MAN2B1: variants seen among roughly 807,000 people sequenced by gnomAD.
The protein encoded by MAN2B1 is mannosidase alpha class 2B member 1, also known as lysosomal alpha-mannosidase.
Under a neutral mutation model 127.5 loss-of-function variants are expected in MAN2B1, and 99 were observed. The observed-to-expected ratio is 0.78, with a 90% CI of 0.66 to 0.92. The LOEUF is 0.92. MAN2B1 is among the 40% of genes least tolerant of loss of function. The pLI is 0.00. For synonymous variants in MAN2B1, 573 were observed against 568.8 expected (o/e 1.01, Z -0.11); for missense variants, 1,304 against 1,384.8 (o/e 0.94, Z 0.93).
chr19:12,649,312 T>G (rs1395967546), intron 19 of MAN2B1, 29 bp downstream of exon 19: 1 of 1,604,928 alleles, frequency 6.2e-7, no homozygotes. Context: ...TCTATCGAGG[T>G]GGGGAGGTGC....
chr19:12,659,944 C>T (rs1273939856), intron 7 of MAN2B1, among the ~76,000 whole-genome samples: 2 of 151,940 alleles, frequency 1.3e-5, no homozygotes, highest in Non-Finnish European at 2.9e-5. Context: ...GAGATTGCAC[C>T]GTAGTGAGGA....
In MAN2B1 at chr19:12,666,665, G is replaced by A. The variant is rs772572370; in HGVS notation, c.37C>T (p.Arg13Cys). ...AYARASGVCARGCLDSAGPWT... is the reference protein window; with the variant it reads ...AYARASGVCACGCLDSAGPWT... ...GGGCCTGCTGAGTCCAGGCAGCCGC[G>A]AGCGCAGACCCCCGAAGCCCGCGCG... The change falls in exon 1 of 24, where the codon CGC becomes TGC. Residue 13 changes from arginine (R) to cysteine (C), a missense_variant. Transcript: ENST00000456935. 3.9e-6 allele frequency: 6 copies of A among 1,552,292 alleles called. No individual in the cohort carries two copies. Among genetic ancestry groups the A allele is most frequent in the Middle Eastern group, 1.8e-4 (1 of 5,650 alleles).
At position 12,647,702 on chromosome 19, in the gene MAN2B1, G is replaced by C; in HGVS notation, c.2665-104C>G. On this transcript the variant is annotated intron_variant, in intron 21 of 23. Coordinates refer to ENST00000456935, the MANE Select transcript of MAN2B1 (RefSeq NM_000528.4). The surrounding 1 kb of genome is among the most constrained non-coding windows in gnomAD (Gnocchi z 4.9). ...GGCAGGGCTAGGTTGTAGGGGCGGGGTTTCGCCGGAGAGGGGCAAGGCTCA... is the reference window on the plus strand; with the variant it reads ...GGCAGGGCTAGGTTGTAGGGGCGGGCTTTCGCCGGAGAGGGGCAAGGCTCA... 1.1e-6 allele frequency: 1 copy of C among 937,958 alleles called. No individual in the cohort carries two copies. Among genetic ancestry groups the C allele is most frequent in the East Asian group, 2.6e-5 (1 of 38,368 alleles). The allele number at this position is 937,958 out of a possible 1,614,324, so 58.1% of individuals were successfully genotyped here. A position where few individuals can be genotyped will look rare whatever the true frequency, so the allele number is the denominator to read the frequency against.
rs149680228 is a variant in MAN2B1 at position 12,652,840 on chromosome 19, A to T, written c.1831-380T>A. Among the ~76,000 whole-genome samples the T allele has an allele frequency of 1.6e-4, 23 of 148,144 alleles. No individual in the cohort carries two copies. The East Asian group carries it at 3.0e-3, about 20-fold the overall frequency. On this transcript the variant is annotated intron_variant, in intron 14 of 23. Transcript: ENST00000456935. Reference sequence around the variant, plus strand: ...AGCCACTGTGCCCAGCCGGATTTTTATTTTTTTTTTTTGAGACAGAAACTT... The same window carrying T: ...AGCCACTGTGCCCAGCCGGATTTTTTTTTTTTTTTTTTGAGACAGAAACTT...
Position 12,657,031 on chromosome 19 carries a change from C to A in MAN2B1, c.1445G>T (p.Arg482Leu), listed in dbSNP as rs1473382507. 1.9e-6 allele frequency: 3 copies of A among 1,612,038 alleles called. No homozygotes were observed. The highest frequency in any genetic ancestry group is 2.5e-6 in the Non-Finnish European group (3 of 1,179,540). ...GAAGTGATCTTTGAAGCCTCTGAGCCGCGCCAGCGCGTTGCTCAGAAGAAC... is the reference window on the plus strand; with the variant it reads ...GAAGTGATCTTTGAAGCCTCTGAGCAGCGCCAGCGCGTTGCTCAGAAGAAC... ...CEVLLSNALA[R>L]LRGFKDHFTF... The change falls in exon 12 of 24, where the codon CGG (arginine) becomes CTG (leucine). Residue 482 changes from arginine to leucine, a missense_variant. Arg to Leu is a moderately radical substitution (Grantham distance 102). Coordinates refer to ENST00000456935, the MANE Select transcript of MAN2B1 (RefSeq NM_000528.4).
At position 12,657,030 on chromosome 19, in the gene MAN2B1, CCG is replaced by C; in HGVS notation, c.1444_1445del (p.Arg482AlafsTer34). 1 of 1,612,550 alleles carries C rather than the reference CCG, an allele frequency of 6.2e-7. No homozygotes were observed. The highest frequency in any genetic ancestry group is 8.5e-7 in the Non-Finnish European group (1 of 1,179,686). ...CEVLLSNALARLRGFKDHFTF... is the reference protein window; with the variant it reads ...CEVLLSNALAXLRGFKDHFTF... The stretch of plus-strand genomic sequence containing the variant: ...TGAAGTGATCTTTGAAGCCTCTGAG[CCG>C]CGCCAGCGCGTTGCTCAGAAGAACC... On this transcript the variant is annotated frameshift_variant, in exon 12 of 24. Coordinates refer to ENST00000456935, the MANE Select transcript of MAN2B1 (RefSeq NM_000528.4). LOFTEE classifies it high-confidence loss of function.
In MAN2B1 at chr19:12,665,532, A is replaced by G. The variant is rs756239857; in HGVS notation, c.263-7T>C. 1.5e-5 allele frequency: 24 copies of G among 1,614,024 alleles called. No individual in the cohort carries two copies. The South Asian group carries it at 2.6e-4, about 18-fold the overall frequency. ...TGCTGGATGTCATTCTTGACTGTGG[A>G]TAACAGGGATAAGGCTCTCAGGGAA... On this transcript the variant is annotated splice_region_variant and splice_polypyrimidine_tract_variant and intron_variant, in intron 2 of 23. Coordinates refer to ENST00000456935, the MANE Select transcript of MAN2B1 (RefSeq NM_000528.4).
intron 7 of MAN2B1, 44 bp from the exon 8 acceptor site, chr19:12,658,554 T>A (rs772510107): frequency 6.4e-7 from 1 of 1,558,822 alleles, no homozygotes; most frequent in Non-Finnish European, 8.8e-7. Context: ...AGTCCGCACC[T>A]TCCTGGGGGC....
chr19:12,662,522 C>A (rs1172597180), intron 6 of MAN2B1, among the ~76,000 whole-genome samples: 1 of 151,884 alleles, frequency 6.6e-6, no homozygotes, highest in Non-Finnish European at 1.5e-5. Flanking sequence ...CCCAGCTACT[C>A]GGGAGGCTGA....
At chr19:12,652,521 T>A in intron 14 of MAN2B1, 61 bp from the exon 15 acceptor site, 6 of 1,216,770 alleles carry the variant, frequency 4.9e-6, no homozygotes, top group South Asian at 1.3e-5. Flanking sequence ...TTTCTTTTTT[T>A]AATTTTTCTT....
In MAN2B1 at chr19:12,665,709, A is replaced by G. The variant is rs1171416815; in HGVS notation, c.256T>C (p.Tyr86His). The change falls in exon 2 of 24, where the codon TAT (tyrosine) becomes CAT (histidine). Residue 86 changes from tyrosine to histidine, a missense_variant. Transcript: ENST00000456935. ...GTCCCCATCCTCTACTCACTTCCAT[A>G]AAAGTACTGGTCCACGGTTTTGAGC... ...GWLKTVDQYF[Y>H]GIKNDIQHAG... The G allele has an allele frequency of 6.2e-6, 10 of 1,613,982 alleles. No individual in the cohort carries two copies. Among genetic ancestry groups the G allele is most frequent in the South Asian group, 1.1e-5 (1 of 91,074 alleles).
chr19:12,660,546 G>A (rs1031335428), intron 7 of MAN2B1, among the ~76,000 whole-genome samples: 10 of 152,234 alleles, frequency 6.6e-5, no homozygotes, highest in African/African-American at 2.4e-4. Context: ...GAAGAGGTGA[G>A]AATGAGAGAA....
chr19:12,656,522 C>T (rs775023467), intron 13 of MAN2B1, 49 bp downstream of exon 13: 1 of 1,347,986 alleles, frequency 7.4e-7, no homozygotes, highest in East Asian at 2.3e-5. Context: ...GAGGAAATGC[C>T]CACTGGGGGA....
At chr19:12,649,745 G>T (rs1043990904) in intron 18 of MAN2B1, among the ~76,000 whole-genome samples, 168 bp downstream of exon 18, 1 of 151,904 alleles carries the variant, frequency 6.6e-6, no homozygotes, top group Admixed American at 6.6e-5. Flanking sequence ...GCTTCCCAAA[G>T]TGCTGGGATT....
intron 14 of MAN2B1, among the ~76,000 whole-genome samples, chr19:12,654,900 A>G (rs1300777471): frequency 6.6e-6 from 1 of 152,174 alleles, no homozygotes; most frequent in African/African-American, 2.4e-5. Flanking sequence ...TCCTGAGCTC[A>G]GTAGATCCAC....
At chr19:12,656,848 G>T in intron 12 of MAN2B1, 101 bp downstream of exon 12, 1 of 1,122,666 alleles carries the variant, frequency 8.9e-7, no homozygotes, top group Non-Finnish European at 1.3e-6. Flanking sequence ...CAGCTTCGCA[G>T]CCCACGTAAT....
Position 12,655,753 on chromosome 19 carries a change from G to A in MAN2B1, c.1771C>T (p.Arg591Cys), listed in dbSNP as rs912714124. The stretch of plus-strand genomic sequence containing the variant: ...CTTCTGGGGATGGGCTGTGGTGCGC[G>A]GGCCTGGGGCTTCCAGCGAGGCACC... ...AQVPRWKPQARAPQPIPRRSW... is the reference protein window; with the variant it reads ...AQVPRWKPQACAPQPIPRRSW... Residue 591 changes from arginine to cysteine, a missense_variant, in exon 14 of 24, where the codon CGC becomes TGC. Physicochemically the swap from Arg to Cys is radical, Grantham distance 180 (BLOSUM62 -3). Transcript: ENST00000456935. 13 of 1,608,062 alleles carry A rather than the reference G, an allele frequency of 8.1e-6. No individual in the cohort carries two copies. The highest frequency in any genetic ancestry group is 1.6e-4 in the Middle Eastern group (1 of 6,062).
At chr19:12,655,668 G>T (rs548270743) in intron 14 of MAN2B1, 26 bp downstream of exon 14, 9 of 1,601,702 alleles carry the variant, frequency 5.6e-6, no homozygotes, top group Non-Finnish European at 7.7e-6. Flanking sequence ...ACAGGAGCAG[G>T]AAAGGGGATT....
In MAN2B1 at chr19:12,663,824, G is replaced by C; in HGVS notation, c.642C>G (p.Asp214Glu). 6.2e-7 allele frequency: 1 copy of C among 1,614,152 alleles called. No individual in the cohort carries two copies. Among genetic ancestry groups the C allele is most frequent in the Non-Finnish European group, 8.5e-7 (1 of 1,180,036 alleles). ...AATCAAGGCGCCCAAAGAAGAAGCC[G>C]TCGAAGCCCATCTGGGGATGAGGGA... ...QASLFAQMGF[D>E]GFFFGRLDYQ... Residue 214 changes from aspartate (D) to glutamate (E), a missense_variant, in exon 5 of 24, where the codon GAC becomes GAG. By Grantham distance (45) the Asp-to-Glu change is conservative (BLOSUM62 2). Coordinates refer to ENST00000456935, the MANE Select transcript of MAN2B1 (RefSeq NM_000528.4).
Sources: gnomAD v4.1 joint callset for allele counts (sites outside exome capture counted in the v4.1 genomes callset) on GRCh38, gnomAD v4.1.1 for gene constraint, Gnocchi (gnomAD v3.1) non-coding constraint, MANE v1.5 for transcripts, NCBI Gene and HGNC (gene_info 2026-07-23, HGNC 2026-07-21) for gene names.